The following RETREG1 variants were observed in gnomAD, a reference collection of about 807,000 sequenced individuals.
RETREG1 encodes the protein reticulophagy regulator 1.
Under a neutral mutation model 54.8 loss-of-function variants are expected in RETREG1, and 44 were observed. The ratio of observed to expected loss-of-function variants is 0.80; its 90% confidence interval spans 0.63 to 1.03. RETREG1 has a LOEUF of 1.03. Ranked by LOEUF, RETREG1 falls within the 50% of genes least tolerant of loss-of-function variation. RETREG1 has a pLI of 0.00. For missense variants in RETREG1, 554 were observed against 605.1 expected (o/e 0.92, Z 0.89); for synonymous variants, 217 against 238.5 (o/e 0.91, Z 0.83).
At chr5:16,488,151 G>A (rs1739090036) in intron 3 of RETREG1, among the ~76,000 whole-genome samples, 1 of 152,212 alleles carries the variant, frequency 6.6e-6, no homozygotes, top group Non-Finnish European at 1.5e-5. Context: ...AAGTAACACT[G>A]AATTCCTGTC....
Position 16,474,611 on chromosome 5 carries a change from G to GA in RETREG1, c.*129dup, listed in dbSNP as rs1738437885. The GA allele has an allele frequency of 8.7e-7, 1 of 1,143,666 alleles. No individual in the cohort carries two copies. Among genetic ancestry groups the GA allele is most frequent in the African/African-American group, 1.6e-5 (1 of 62,802 alleles). 70.8% of individuals were successfully genotyped at this position (1,143,666 alleles called of 1,614,324 possible). Reference sequence around the variant, plus strand: ...TATCCAATTAATTCACTGCAGGAGGGAAAATAAAACAAATCTAAAGTAATC... The same window carrying GA: ...TATCCAATTAATTCACTGCAGGAGGGAAAAATAAAACAAATCTAAAGTAATC... On this transcript the variant is annotated 3_prime_UTR_variant, in exon 9 of 9. Coordinates refer to ENST00000306320, the MANE Select transcript of RETREG1 (RefSeq NM_001034850.3).
chr5:16,591,506 T>C (rs1742773181), intron 1 of RETREG1, among the ~76,000 whole-genome samples: 1 of 148,516 alleles, frequency 6.7e-6, no homozygotes, highest in Admixed American at 6.6e-5. Context: ...AAAGGAGCTA[T>C]AACAGGAGGA....
At chr5:16,578,282 A>G (rs557641369) in intron 1 of RETREG1, among the ~76,000 whole-genome samples, 1 of 151,678 alleles carries the variant, frequency 6.6e-6, no homozygotes, top group Non-Finnish European at 1.5e-5. Flanking sequence ...ATCATTTATT[A>G]TTTAATGAAA....
chr5:16,547,344 C>T (rs182539977), intron 3 of RETREG1, among the ~76,000 whole-genome samples: 8 of 152,242 alleles, frequency 5.3e-5, no homozygotes, highest in Admixed American at 2.0e-4. Context: ...CTATTTTATC[C>T]GAGGAAAACA....
chr5:16,528,136 A>G (rs1490794407), intron 3 of RETREG1, among the ~76,000 whole-genome samples: 1 of 152,144 alleles, frequency 6.6e-6, no homozygotes, highest in African/African-American at 2.4e-5. Flanking sequence ...AACACGCTTT[A>G]TCACAGCTTA....
intron 1 of RETREG1, among the ~76,000 whole-genome samples, chr5:16,584,122 G>A (rs1173254522): frequency 6.6e-6 from 1 of 152,128 alleles, no homozygotes; most frequent in Non-Finnish European, 1.5e-5. Context: ...ATGACAATGG[G>A]CTTCAGAGAC....
At chr5:16,497,789 C>G (rs754197253) in intron 3 of RETREG1, among the ~76,000 whole-genome samples, 13 of 152,150 alleles carry the variant, frequency 8.5e-5, no homozygotes, top group Non-Finnish European at 1.8e-4. Context: ...CCTCATGATC[C>G]TATTAGAGCT....
At chr5:16,508,514 T>A (rs1579625816) in intron 3 of RETREG1, 19 of 1,455,454 alleles carry the variant, frequency 1.3e-5, no homozygotes, top group Non-Finnish European at 1.6e-5. Flanking sequence ...ATAATATTTT[T>A]AAAAAGATAA....
intron 3 of RETREG1, among the ~76,000 whole-genome samples, chr5:16,524,238 G>T (rs1326652910): frequency 1.3e-5 from 2 of 152,176 alleles, no homozygotes; most frequent in Non-Finnish European, 2.9e-5. Flanking sequence ...CGACACATGT[G>T]CTCCTGGATG....
chr5:16,525,771 G>GA (rs397949096), intron 3 of RETREG1, among the ~76,000 whole-genome samples: 106,199 of 150,966 alleles, frequency 0.7, 37,572 homozygotes, highest in Middle Eastern at 0.81. Context: ...TACACAGAGA[G>GA]GGAGAGAGAG....
intron 3 of RETREG1, among the ~76,000 whole-genome samples, chr5:16,491,234 T>C (rs999491916): frequency 6.6e-6 from 1 of 152,202 alleles, no homozygotes; most frequent in Non-Finnish European, 1.5e-5. Context: ...AAACTGAGGC[T>C]GAAAAGGGCT....
intron 3 of RETREG1, among the ~76,000 whole-genome samples, chr5:16,500,786 C>T (rs1468962773): frequency 6.6e-6 from 1 of 152,060 alleles, no homozygotes; most frequent in Non-Finnish European, 1.5e-5. Flanking sequence ...TTAAAGCAAT[C>T]CTAGGAAGGG....
intron 1 of RETREG1, among the ~76,000 whole-genome samples, chr5:16,582,212 T>C (rs1401772256): frequency 6.6e-6 from 1 of 152,224 alleles, no homozygotes; most frequent in Non-Finnish European, 1.5e-5. Flanking sequence ...TACAGTTCTC[T>C]AAATCACCAT....
intron 3 of RETREG1, among the ~76,000 whole-genome samples, chr5:16,494,061 T>A (rs1739352339): frequency 6.6e-6 from 1 of 152,190 alleles, no homozygotes; most frequent in Non-Finnish European, 1.5e-5. Flanking sequence ...AAAGAGTGTA[T>A]CTCTCATTTA....
Position 16,492,199 on chromosome 5 carries a change from C to CCTCTCTCTCT in RETREG1, c.459-8737_459-8728dup, listed in dbSNP as rs369038338. On this transcript the variant is annotated intron_variant, in intron 3 of 8. Coordinates refer to ENST00000306320, the MANE Select transcript of RETREG1 (RefSeq NM_001034850.3). ...GGAGAACATTTTCAGACAGTGTTGT[C>CCTCTCTCTCT]CTCTCTCTCTCTCTCTCTCTCTCTC... Among the ~76,000 whole-genome samples, 487 of 136,000 alleles carry CCTCTCTCTCT rather than the reference C, an allele frequency of 3.6e-3. 3 individuals are homozygous for CCTCTCTCTCT. Among genetic ancestry groups the CCTCTCTCTCT allele is most frequent in the African/African-American group, 0.012 (435 of 36,320 alleles). The allele number at this position is 136,000 out of a possible 152,430, so 89.2% of individuals were successfully genotyped here.
intron 3 of RETREG1, among the ~76,000 whole-genome samples, chr5:16,496,080 T>G (rs1322847130): frequency 6.6e-6 from 1 of 152,110 alleles, no homozygotes; most frequent in Non-Finnish European, 1.5e-5. Flanking sequence ...CATTCTAAAT[T>G]TTTCTGCTCA....
At chr5:16,570,272 G>T (rs1194538969) in intron 2 of RETREG1, among the ~76,000 whole-genome samples, 1 of 152,128 alleles carries the variant, frequency 6.6e-6, no homozygotes, top group Non-Finnish European at 1.5e-5. Context: ...GCAATGTAAA[G>T]GTTTCCTGCA....
intron 1 of RETREG1, among the ~76,000 whole-genome samples, chr5:16,573,742 GTTT>G (rs34651832): frequency 1.6e-5 from 2 of 126,466 alleles, no homozygotes; most frequent in African/African-American, 5.9e-5. Context: ...TTTGTTTTTT[GTTT>G]TTTTTTTTTT....
intron 3 of RETREG1, among the ~76,000 whole-genome samples, chr5:16,506,876 G>A (rs959490116): frequency 6.6e-6 from 1 of 152,056 alleles, no homozygotes; most frequent in African/African-American, 2.4e-5. Context: ...GGTGGCACAG[G>A]AATATGCTAC....
Sources: gnomAD v4.1 joint callset for allele counts (sites outside exome capture counted in the v4.1 genomes callset) on GRCh38, gnomAD v4.1.1 for gene constraint, MANE v1.5 for transcripts, NCBI Gene and HGNC (gene_info 2026-07-23, HGNC 2026-07-21) for gene names.